RARB: variants seen among roughly 807,000 people sequenced by gnomAD.
RARB encodes the protein retinoic acid receptor beta, also known as HBV-activated protein.
In RARB, 17 loss-of-function variants were observed where a neutral mutation model predicts 51.9. The observed-to-expected ratio is 0.33, with a 90% CI of 0.22 to 0.49. RARB has a LOEUF of 0.49. Ranked by LOEUF, RARB falls within the 20% of genes least tolerant of loss-of-function variation. The pLI, the probability that RARB is intolerant of heterozygous loss-of-function variation, is 0.99. For synonymous variants in RARB, 215 were observed against 195.4 expected (o/e 1.10, Z -0.84); for missense variants, 369 against 550.8 (o/e 0.67, Z 3.30).
chr3:25,334,520 G>A (rs890252813), intron 5 of RARB, among the ~76,000 whole-genome samples: 1 of 152,062 alleles, frequency 6.6e-6, no homozygotes, highest in African/African-American at 2.4e-5. Context: ...CACACACTGG[G>A]GCCTGTTGTG....
intron 5 of RARB, among the ~76,000 whole-genome samples, chr3:25,264,244 G>A (rs1703074318): frequency 6.6e-6 from 1 of 152,152 alleles, no homozygotes; most frequent in East Asian, 1.9e-4. Flanking sequence ...AAGGAGGAGA[G>A]GAAGAAAGTG....
At chr3:25,077,496 A>G (rs1256657977) in intron 3 of RARB, among the ~76,000 whole-genome samples, 1 of 152,140 alleles carries the variant, frequency 6.6e-6, no homozygotes, top group Non-Finnish European at 1.5e-5. Context: ...TTTTAGATTC[A>G]TCCATGTCGT....
intron 4 of RARB, among the ~76,000 whole-genome samples, chr3:25,136,353 C>G (rs1700031740): frequency 6.6e-6 from 1 of 151,874 alleles, no homozygotes; most frequent in Admixed American, 6.6e-5. Context: ...TAAAAAAATT[C>G]CAACCATTCC....
intron 5 of RARB, among the ~76,000 whole-genome samples, chr3:25,394,853 C>G (rs149332151): frequency 1.2e-3 from 181 of 152,272 alleles, no homozygotes; most frequent in African/African-American, 4.3e-3. Flanking sequence ...CTTATCCATT[C>G]TGCCATTCTG....
intron 1 of RARB, among the ~76,000 whole-genome samples, chr3:25,460,773 T>C (rs955908038): frequency 2.6e-5 from 4 of 152,152 alleles, no homozygotes; most frequent in Non-Finnish European, 5.9e-5. Context: ...AGCAACAAGG[T>C]CAAGTCGTTT....
At chr3:25,255,325 C>T (rs1339192481) in intron 5 of RARB, among the ~76,000 whole-genome samples, 2 of 152,124 alleles carry the variant, frequency 1.3e-5, no homozygotes, top group Non-Finnish European at 2.9e-5. Flanking sequence ...TAAGTGATCA[C>T]AGTTTGTTCT....
intron 5 of RARB, among the ~76,000 whole-genome samples, chr3:25,377,185 C>T (rs1214100234): frequency 6.6e-6 from 1 of 152,208 alleles, no homozygotes; most frequent in Non-Finnish European, 1.5e-5. Flanking sequence ...CTCAGACATG[C>T]CGCATGCTGT....
intron 1 of RARB, among the ~76,000 whole-genome samples, chr3:25,430,771 A>T (rs994807983): frequency 6.6e-6 from 1 of 152,216 alleles, no homozygotes. Context: ...AAGGGATTTC[A>T]GAAATTCCAG....
At chr3:25,235,336 A>T (rs1053567704) in intron 5 of RARB, among the ~76,000 whole-genome samples, 1 of 152,154 alleles carries the variant, frequency 6.6e-6, no homozygotes, top group East Asian at 1.9e-4. Context: ...AAATACTATA[A>T]GCAAAATTTT....
chr3:25,400,060 G>A (rs990070206), intron 5 of RARB, among the ~76,000 whole-genome samples: 1 of 152,178 alleles, frequency 6.6e-6, no homozygotes, highest in African/African-American at 2.4e-5. Flanking sequence ...ATAATGCCAG[G>A]CATACTGGAA....
At chr3:25,023,034 A>G (rs1291760952) in intron 2 of RARB, among the ~76,000 whole-genome samples, 1 of 152,162 alleles carries the variant, frequency 6.6e-6, no homozygotes, top group East Asian at 1.9e-4. Flanking sequence ...TACAAATTGG[A>G]GGGACAAATG....
intron 5 of RARB, among the ~76,000 whole-genome samples, chr3:25,185,071 G>C (rs1203314639): frequency 1.3e-5 from 2 of 152,068 alleles, no homozygotes; most frequent in Non-Finnish European, 2.9e-5. Context: ...ATGTGCATGT[G>C]CTTTTGCACA....
chr3:25,339,765 T>A (rs978055110), intron 5 of RARB, among the ~76,000 whole-genome samples: 1 of 152,088 alleles, frequency 6.6e-6, no homozygotes, highest in Non-Finnish European at 1.5e-5. Context: ...GCCATAGCAT[T>A]GTACCTCCAG....
intron 2 of RARB, among the ~76,000 whole-genome samples, chr3:24,980,403 A>G (rs73608939): frequency 6.6e-6 from 1 of 152,174 alleles, no homozygotes; most frequent in Non-Finnish European, 1.5e-5. Context: ...ACTTTCAGGT[A>G]CACCAATCAA....
intron 4 of RARB, among the ~76,000 whole-genome samples, chr3:25,578,517 C>T (rs1701035280): frequency 6.6e-6 from 1 of 152,210 alleles, no homozygotes; most frequent in South Asian, 2.1e-4. Flanking sequence ...AATGATTTCC[C>T]TCCATAAGCT....
chr3:25,312,670 A>G (rs1319787682), intron 5 of RARB, among the ~76,000 whole-genome samples: 1 of 152,134 alleles, frequency 6.6e-6, no homozygotes, highest in Non-Finnish European at 1.5e-5. Context: ...CAATAGTTAC[A>G]AAGTTTTTTT....
chr3:25,539,021 T>C (rs1171986120), intron 3 of RARB, among the ~76,000 whole-genome samples: 1 of 152,204 alleles, frequency 6.6e-6, no homozygotes. Context: ...AAGGTTTCTT[T>C]GTGTATAATT....
At chr3:24,871,643 A>T (rs1243300511) in intron 2 of RARB, among the ~76,000 whole-genome samples, 1 of 152,144 alleles carries the variant, frequency 6.6e-6, no homozygotes, top group Non-Finnish European at 1.5e-5. Flanking sequence ...CAAACACCAG[A>T]TTGGATATCC....
At chr3:24,980,488 G>T (rs1245702046) in intron 2 of RARB, among the ~76,000 whole-genome samples, 1 of 151,880 alleles carries the variant, frequency 6.6e-6, no homozygotes, top group Non-Finnish European at 1.5e-5. Flanking sequence ...CTCTAATCTT[G>T]TCTTCTCACT....
Sources: gnomAD v4.1 joint callset for allele counts (sites outside exome capture counted in the v4.1 genomes callset) on GRCh38, gnomAD v4.1.1 for gene constraint, MANE v1.5 for transcripts, NCBI Gene and HGNC (gene_info 2026-07-23, HGNC 2026-07-21) for gene names.